Variants in SV2C observed in about 807,000 individuals in gnomAD.
SV2C encodes synaptic vesicle glycoprotein 2C.
A neutral mutation model predicts 79.7 loss-of-function variants in SV2C; 49 were observed. That is an observed-to-expected ratio of 0.61 (90% CI 0.49 to 0.78). SV2C has a LOEUF of 0.78. Ranked by LOEUF, SV2C falls within the 30% of genes least tolerant of loss-of-function variation. The pLI, the probability that SV2C is intolerant of heterozygous loss-of-function variation, is 0.00. For missense variants in SV2C, 833 were observed against 912.9 expected (o/e 0.91, Z 1.13); for synonymous variants, 334 against 333.2 (o/e 1.00, Z -0.03).
At chr5:75,986,187 C>T in the SV2C span, among the ~76,000 whole-genome samples, 41,867 of 150,418 alleles carry the variant, frequency 0.28, 6,935 homozygotes, top group Middle Eastern at 0.41. Context: ...GTGAATGTTA[C>T]CTTGTATGCT....
At chr5:75,902,987 G>A in the SV2C span, among the ~76,000 whole-genome samples, 9 of 152,130 alleles carry the variant, frequency 5.9e-5, no homozygotes, top group African/African-American at 2.2e-4. Flanking sequence ...ATATATGTTA[G>A]AGCTAATCTT....
intron 1 of SV2C, chr5:76,091,810 T>C (rs997306799): frequency 6.6e-6 from 1 of 152,120 alleles, no homozygotes. Context: ...AAGAGACTTC[T>C]TAGTCCCTCC....
intron 3 of SV2C, among the ~76,000 whole-genome samples, chr5:76,199,234 C>T (rs947471115): frequency 5.3e-5 from 8 of 152,078 alleles, no homozygotes; most frequent in African/African-American, 1.9e-4. Context: ...CATGTTTTAT[C>T]TACTTAAACA....
At chr5:76,135,334 C>T (rs929086908) in intron 2 of SV2C, among the ~76,000 whole-genome samples, 1 of 152,150 alleles carries the variant, frequency 6.6e-6, no homozygotes, top group East Asian at 1.9e-4. Context: ...CTGAAATGCC[C>T]AGAGATTTGG....
At chr5:76,033,460 A>G in the SV2C span, among the ~76,000 whole-genome samples, 40 of 152,288 alleles carry the variant, frequency 2.6e-4, no homozygotes, top group African/African-American at 9.6e-4. Flanking sequence ...TCAGCTTTCT[A>G]CATATGGCTA....
At chr5:75,988,894 C>T in the SV2C span, among the ~76,000 whole-genome samples, 2 of 151,904 alleles carry the variant, frequency 1.3e-5, no homozygotes, top group African/African-American at 4.8e-5. Context: ...AGAGACCAGA[C>T]GGTACCAGAT....
chr5:76,346,572 C>T (rs998722200), intron 12 of SV2C, among the ~76,000 whole-genome samples: 7 of 152,178 alleles, frequency 4.6e-5, no homozygotes, highest in African/African-American at 1.4e-4. Context: ...ACGTGGCAGT[C>T]GCTGCGGTCA....
At chr5:75,984,013 C>CT in the SV2C span, among the ~76,000 whole-genome samples, 10 of 152,248 alleles carry the variant, frequency 6.6e-5, no homozygotes, top group East Asian at 1.9e-3. Flanking sequence ...GCCAGCCCAG[C>CT]TACTCCAGCT....
chr5:75,911,409 AC>A, the SV2C span: 1 of 1,088,548 alleles, frequency 9.2e-7, no homozygotes, highest in Non-Finnish European at 1.4e-6. Flanking sequence ...GGACGTCAGC[AC>A]CCCCTAGTAG....
chr5:76,307,917 A>G (rs1029167126), intron 12 of SV2C, among the ~76,000 whole-genome samples: 1 of 152,136 alleles, frequency 6.6e-6, no homozygotes, highest in Non-Finnish European at 1.5e-5. Flanking sequence ...GATGCTTTCT[A>G]AATTTCATGT....
rs1202704183 is a variant in SV2C, at chr5:76,233,515, G to A, written c.913+23628G>A. On this transcript the variant is annotated intron_variant, in intron 4 of 12. Transcript: ENST00000502798. ...GTGAGAGAGGGCATCCCTGTCTTGT[G>A]CCAGTTTTCAAAGGGAATGCTTCCA... is the stretch of plus-strand genomic sequence containing the variant. Among the ~76,000 whole-genome samples, 3 of 143,990 alleles carry A rather than the reference G, an allele frequency of 2.1e-5. No homozygotes were observed. The East Asian group carries it at 5.9e-4, about 28-fold the overall frequency. 94.5% of individuals were successfully genotyped at this position (143,990 alleles called of 152,430 possible).
intron 1 of SV2C, among the ~76,000 whole-genome samples, chr5:76,110,149 T>C (rs1211892662): frequency 6.6e-6 from 1 of 152,202 alleles, no homozygotes; most frequent in African/African-American, 2.4e-5. Flanking sequence ...TTCTATATTT[T>C]TTGAAATCTT....
chr5:75,956,608 T>C, the SV2C span, among the ~76,000 whole-genome samples: 1 of 151,786 alleles, frequency 6.6e-6, no homozygotes, highest in Non-Finnish European at 1.5e-5. Flanking sequence ...GGGTTGAAAA[T>C]TAAGACCAGA....
the SV2C span, among the ~76,000 whole-genome samples, chr5:75,934,268 T>C: frequency 6.6e-6 from 1 of 151,364 alleles, no homozygotes; most frequent in African/African-American, 2.4e-5. Flanking sequence ...TATTTTGTAG[T>C]AAACAGAGTT....
At chr5:76,193,885 C>A (rs898821512) in intron 2 of SV2C, among the ~76,000 whole-genome samples, 1 of 152,156 alleles carries the variant, frequency 6.6e-6, no homozygotes, top group African/African-American at 2.4e-5. Flanking sequence ...TTAAGTGAAC[C>A]AACATATGGA....
chr5:75,938,045 C>G, the SV2C span, among the ~76,000 whole-genome samples: 2 of 152,236 alleles, frequency 1.3e-5, no homozygotes, highest in Middle Eastern at 6.8e-3. Flanking sequence ...AACTGAATAA[C>G]AGATGTGTAA....
At position 76,333,091 on chromosome 5, in the gene SV2C, A is replaced by G. The variant is rs570313395; in HGVS notation, c.*7544A>G. On this transcript the variant is annotated 3_prime_UTR_variant, in exon 13 of 13. Transcript: ENST00000502798. Reference sequence around the variant, plus strand: ...AAAATGAAACTAGTTTGAAGTTGCAAAGTGTCTCCCCTCTTGCGCCCACGT... The same window carrying G: ...AAAATGAAACTAGTTTGAAGTTGCAGAGTGTCTCCCCTCTTGCGCCCACGT... The G allele has an allele frequency of 6.6e-5, 10 of 152,332 alleles. No homozygotes were observed. Among genetic ancestry groups the G allele is most frequent in the African/African-American group, 2.4e-4 (10 of 41,572 alleles). The allele number at this position is 152,332 out of a possible 1,614,324, so 9.4% of individuals were successfully genotyped here.
the SV2C span, among the ~76,000 whole-genome samples, chr5:76,034,178 A>G: frequency 1.3e-5 from 2 of 151,544 alleles, no homozygotes; most frequent in African/African-American, 2.4e-5. Flanking sequence ...TAGATATACA[A>G]TCATGTCATC....
rs149812660 is a variant in SV2C at position 76,201,345 on chromosome 5, T to C, written c.761+6246T>C. Among the ~76,000 whole-genome samples the C allele has an allele frequency of 2.3e-3, 351 of 152,348 alleles. 3 individuals are homozygous for C. Among genetic ancestry groups the C allele is most frequent in the African/African-American group, 6.4e-3 (265 of 41,578 alleles). ...AGCCAGTCACTGTTAATTATGGGAATGATAGTACTTTGGATGCTAGGCAAT... is the reference window on the plus strand; with the variant it reads ...AGCCAGTCACTGTTAATTATGGGAACGATAGTACTTTGGATGCTAGGCAAT... On this transcript the variant is annotated intron_variant, in intron 3 of 12. Transcript: ENST00000502798.
Sources: allele counts gnomAD v4.1 joint callset (sites outside exome capture counted in the v4.1 genomes callset), GRCh38; gene constraint gnomAD v4.1.1; transcripts MANE v1.5; gene names NCBI Gene and HGNC (gene_info 2026-07-23, HGNC 2026-07-21).